CDKN2B-AS1: variants seen among roughly 807,000 people sequenced by gnomAD.
The protein encoded by CDKN2B-AS1 is CDKN2B antisense RNA 1 (non-protein coding).
intron 4 of CDKN2B-AS1, among the ~76,000 whole-genome samples, chr9:22,115,628 A>C (rs1485530649): frequency 5.9e-5 from 9 of 151,842 alleles, no homozygotes; most frequent in African/African-American, 2.2e-4. Flanking sequence ...TCTTGGGTGA[A>C]GATGGGAACA....
intron 4 of CDKN2B-AS1, among the ~76,000 whole-genome samples, chr9:22,115,149 G>A (rs1825914249): frequency 1.3e-5 from 2 of 152,150 alleles, no homozygotes; most frequent in South Asian, 4.2e-4. Context: ...ACCAATGTTT[G>A]GACTCCAAAT....
chr9:22,009,988 C>G (rs1821416572), intron 1 of CDKN2B-AS1, among the ~76,000 whole-genome samples: 1 of 151,264 alleles, frequency 6.6e-6, no homozygotes, highest in South Asian at 2.1e-4. Context: ...ACACATAAGA[C>G]AAAAAAAAAT....
chr9:22,017,864 T>C (rs1199877976), intron 1 of CDKN2B-AS1, among the ~76,000 whole-genome samples: 1 of 147,788 alleles, frequency 6.8e-6, no homozygotes, highest in Non-Finnish European at 1.5e-5. Flanking sequence ...AACAACTTTA[T>C]GCTTGAGTTA....
intron 1 of CDKN2B-AS1, chr9:22,009,315 G>A (rs1821375099): frequency 4.7e-6 from 2 of 422,242 alleles, no homozygotes; most frequent in East Asian, 4.5e-5. Flanking sequence ...TGGGGAGCCA[G>A]CCGGCAAAGA....
In CDKN2B-AS1 at chr9:22,100,472, C is replaced by T. The variant is rs1386109196; in HGVS notation, n.439-26631C>T. On this transcript the variant is annotated intron_variant and non_coding_transcript_variant, in intron 4 of 4. Transcript: ENST00000650946. ...AATGTTTTCTGGTTTATAAATGTTG[C>T]AAATGTCAGTATGATACTTCATTCC... is the stretch of plus-strand genomic sequence containing the variant. 3.9e-5 allele frequency among the ~76,000 whole-genome samples: 6 copies of T among 152,112 alleles called. 1 individual carries two copies. In the East Asian group the frequency reaches 1.2e-3, roughly 29 times the overall value.
intron 4 of CDKN2B-AS1, among the ~76,000 whole-genome samples, chr9:22,111,358 G>A (rs1215422104): frequency 6.6e-6 from 1 of 152,062 alleles, no homozygotes; most frequent in African/African-American, 2.4e-5. Context: ...TAAAAAGGAA[G>A]GTCTGGAGAA....
intron 4 of CDKN2B-AS1, among the ~76,000 whole-genome samples, chr9:22,083,095 T>C (rs76603738): frequency 0.014 from 2,102 of 152,332 alleles, 41 homozygotes; most frequent in African/African-American, 0.048. Flanking sequence ...TAGCTTGTTA[T>C]ATGCCATGCC....
intron 4 of CDKN2B-AS1, among the ~76,000 whole-genome samples, chr9:22,108,594 G>C (rs1825721166): frequency 1.3e-5 from 2 of 152,088 alleles, no homozygotes; most frequent in African/African-American, 4.8e-5. Flanking sequence ...CTTAATCTTG[G>C]CTTTGCACAC....
At chr9:22,119,276 T>C (rs1309240991) in intron 4 of CDKN2B-AS1, 1 of 152,296 alleles carries the variant, frequency 6.6e-6, no homozygotes, top group South Asian at 2.1e-4. Flanking sequence ...ATTTTGCTTA[T>C]TCAAGGCCAA....
chr9:22,027,510 A>G (rs1822290798), intron 1 of CDKN2B-AS1, among the ~76,000 whole-genome samples: 1 of 152,210 alleles, frequency 6.6e-6, no homozygotes, highest in African/African-American at 2.4e-5. Context: ...CTTACCAAAT[A>G]TAGAAAGTGA....
chr9:22,026,576 G>A (rs1016136676), intron 1 of CDKN2B-AS1, among the ~76,000 whole-genome samples: 1 of 152,210 alleles, frequency 6.6e-6, no homozygotes, highest in Non-Finnish European at 1.5e-5. Context: ...CCAAGCCAGT[G>A]GGTCTTATCC....
chr9:22,119,768 T>A (rs1826051257), intron 4 of CDKN2B-AS1: 1 of 152,218 alleles, frequency 6.6e-6, no homozygotes, highest in Non-Finnish European at 1.5e-5. Context: ...GCTGTCGCCA[T>A]CTATAGGCTA....
intron 4 of CDKN2B-AS1, among the ~76,000 whole-genome samples, chr9:22,059,861 C>T (rs1008862199): frequency 7.2e-5 from 11 of 152,216 alleles, no homozygotes; most frequent in African/African-American, 2.7e-4. Flanking sequence ...TGGAAGCTGC[C>T]AAGGCTTGGG....
chr9:22,005,974 G>T lies in CDKN2B-AS1; in HGVS notation n.29+10813G>T. On this transcript the variant is annotated intron_variant and non_coding_transcript_variant, in intron 1 of 4. Coordinates refer to ENST00000650946, the Ensembl canonical transcript of CDKN2B-AS1. The surrounding 1 kb of genome is among the most constrained non-coding windows in gnomAD (Gnocchi z 4.9). ...GAAAATAAAGTCGTTGTGGGCGGCT[G>T]GGGAACCTGGCGTCAGTCCCCCGTG... The T allele has an allele frequency of 6.2e-7, 1 of 1,600,450 alleles. No individual in the cohort carries two copies. The highest frequency in any genetic ancestry group is 8.5e-7 in the Non-Finnish European group (1 of 1,179,698).
rs118171804 is a variant in CDKN2B-AS1, at chr9:22,023,587, A to C, written n.30-23164A>C. 1.8e-3 allele frequency among the ~76,000 whole-genome samples: 281 copies of C among 152,220 alleles called. 1 individual carries two copies. The highest frequency in any genetic ancestry group is 2.8e-3 in the Non-Finnish European group (192 of 68,002). On this transcript the variant is annotated intron_variant and non_coding_transcript_variant, in intron 1 of 4. Coordinates refer to ENST00000650946, the Ensembl canonical transcript of CDKN2B-AS1. ...CACCTCTACTAAAAATACCAAAAAA[A>C]AAAATCATAGCTGGGCATGGGGGAA... is the stretch of plus-strand genomic sequence containing the variant.
intron 3 of CDKN2B-AS1, among the ~76,000 whole-genome samples, chr9:22,053,412 G>A (rs1823435069): frequency 6.6e-6 from 1 of 152,168 alleles, no homozygotes; most frequent in South Asian, 2.1e-4. Flanking sequence ...AAATCATAAA[G>A]CTAAACATGT....
intron 4 of CDKN2B-AS1, chr9:22,120,313 C>G (rs1018195345): frequency 1.3e-5 from 2 of 152,202 alleles, no homozygotes; most frequent in Non-Finnish European, 2.9e-5. Context: ...TTGCAGCACA[C>G]TGGTCAGCTG....
chr9:22,049,594 G>A (rs1436704667), intron 3 of CDKN2B-AS1, among the ~76,000 whole-genome samples: 1 of 152,128 alleles, frequency 6.6e-6, no homozygotes, highest in Non-Finnish European at 1.5e-5. Context: ...ACTTTTAACA[G>A]CAAAAGGAAA....
intron 4 of CDKN2B-AS1, among the ~76,000 whole-genome samples, chr9:22,112,972 T>C (rs1825840024): frequency 6.6e-6 from 1 of 152,182 alleles, no homozygotes. Flanking sequence ...GCTTGCTGTT[T>C]GGTTAAGAGG....
Sources: gnomAD v4.1 joint callset for allele counts (sites outside exome capture counted in the v4.1 genomes callset) on GRCh38, gnomAD v4.1.1 for gene constraint, Gnocchi (gnomAD v3.1) non-coding constraint, MANE v1.5 for transcripts, NCBI Gene and HGNC (gene_info 2026-07-23, HGNC 2026-07-21) for gene names.